The following NDE1 variants were observed in gnomAD, a reference collection of about 807,000 sequenced individuals.
NDE1 encodes the protein nudE neurodevelopment protein 1, also known as nuclear distribution protein nudE homolog 1.
Under a neutral mutation model 43.4 loss-of-function variants are expected in NDE1, and 28 were observed. That is an observed-to-expected ratio of 0.65 (90% CI 0.48 to 0.89). The LOEUF is 0.89. Ranked by LOEUF, NDE1 falls within the 40% of genes least tolerant of loss-of-function variation. The probability of loss-of-function intolerance (pLI) is 0.00; values close to 1 mark genes in which losing one functional copy is unlikely to be tolerated. For synonymous variants in NDE1, 184 were observed against 172.0 expected (o/e 1.07, Z -0.55); for missense variants, 441 against 434.1 (o/e 1.02, Z -0.14).
Position 15,725,408 on chromosome 16 carries a change from T to C in NDE1, c.*1157T>C, listed in dbSNP as rs900727168. On this transcript the variant is annotated 3_prime_UTR_variant, in exon 9 of 9. Transcript: ENST00000396354. ...TGGAGAAGGGAGACCAGGATGGTAC[T>C]TGAACGTCCCAGGGATGCTGTCCCA... The C allele has an allele frequency of 1.8e-5, 9 of 511,578 alleles. No individual in the cohort carries two copies. The highest frequency in any genetic ancestry group is 2.7e-5 in the Non-Finnish European group (8 of 294,416). The allele number at this position is 511,578 out of a possible 1,614,324, so 31.7% of individuals were successfully genotyped here.
intron 8 of NDE1, among the ~76,000 whole-genome samples, chr16:15,705,483 C>T (rs1245005520): frequency 2.0e-5 from 3 of 152,178 alleles, no homozygotes; most frequent in African/African-American, 7.2e-5. Context: ...CAGCCTTCAC[C>T]GTTCAGAAGA....
At chr16:15,717,883 G>C (rs2040249198) in intron 8 of NDE1, 1 of 275,012 alleles carries the variant, frequency 3.6e-6, no homozygotes, top group African/African-American at 2.2e-5. Context: ...GAGTCGCCTG[G>C]AGAATGATGC....
intron 3 of NDE1, among the ~76,000 whole-genome samples, chr16:15,673,279 G>A (rs1316877753): frequency 6.6e-6 from 1 of 151,900 alleles, no homozygotes; most frequent in Non-Finnish European, 1.5e-5. Flanking sequence ...GCACAATCTT[G>A]GCTCACTGCA....
At chr16:15,691,017 A>G in intron 5 of NDE1, 127 bp from the exon 6 acceptor site, 1 of 1,051,276 alleles carries the variant, frequency 9.5e-7, no homozygotes, top group Non-Finnish European at 1.5e-6. Context: ...CATGTTGGTC[A>G]GGCTGGTCTC....
rs147492797 is a variant in NDE1 at position 15,667,141 on chromosome 16, G to A, written c.84-145G>A. On this transcript the variant is annotated intron_variant, in intron 2 of 8. Transcript: ENST00000396354. Reference sequence around the variant, plus strand: ...CATGCCTGTAGTCCCAGCTACTCGGGAGACTGAGGCAGGAGAATCGCTTGA... The same window carrying A: ...CATGCCTGTAGTCCCAGCTACTCGGAAGACTGAGGCAGGAGAATCGCTTGA... 1,428 of 929,288 alleles carry A rather than the reference G, an allele frequency of 1.5e-3. 6 individuals carry two copies. The highest frequency in any genetic ancestry group is 0.015 in the African/African-American group (910 of 61,464). The allele number at this position is 929,288 out of a possible 1,614,324, so 57.6% of individuals were successfully genotyped here.
chr16:15,704,451 G>T (rs2039343238), intron 8 of NDE1, among the ~76,000 whole-genome samples: 1 of 152,208 alleles, frequency 6.6e-6, no homozygotes, highest in South Asian at 2.1e-4. Flanking sequence ...GGTCTGCTGT[G>T]GTCTTTGATT....
At chr16:15,662,961 G>C (rs1157309267) in intron 1 of NDE1, among the ~76,000 whole-genome samples, 1 of 152,174 alleles carries the variant, frequency 6.6e-6, no homozygotes, top group Non-Finnish European at 1.5e-5. Context: ...ATGGCCACCA[G>C]GACCAGCTTT....
intron 8 of NDE1, among the ~76,000 whole-genome samples, chr16:15,723,338 G>C (rs8047068): frequency 0.24 from 36,175 of 152,026 alleles, 4,920 homozygotes; most frequent in Admixed American, 0.34. Flanking sequence ...ATGATAGATA[G>C]AATTAGTCTT....
At chr16:15,654,566 A>C (rs1407170490) in intron 1 of NDE1, among the ~76,000 whole-genome samples, 4 of 136,424 alleles carry the variant, frequency 2.9e-5, no homozygotes, top group Non-Finnish European at 4.5e-5. Context: ...ACACCACTGC[A>C]CTCCAGCCTG....
rs140251634 is a variant in NDE1 at position 15,687,474 on chromosome 16, C to T, written c.486C>T (p.Leu162=). The stretch of plus-strand genomic sequence containing the variant: ...GTGAACTTGATGAAAAAGAGAATCT[C>T]CTGGAATCTGTTCAGAGACTGAAGG... The part of the protein sequence containing the change: ...LESELDEKEN[L]LESVQRLKDE... Residue 162 remains leucine (L), a synonymous_variant, in exon 5 of 9, where the codon CTC becomes CTT. Transcript: ENST00000396354. The T allele has an allele frequency of 2.8e-3, 4,456 of 1,614,182 alleles. 17 individuals carry two copies. Among genetic ancestry groups the T allele is most frequent in the Non-Finnish European group, 2.5e-3 (2,982 of 1,180,036 alleles).
intron 8 of NDE1, chr16:15,715,319 C>G: frequency 4.4e-6 from 7 of 1,592,076 alleles, no homozygotes; most frequent in Non-Finnish European, 5.2e-6. Flanking sequence ...GGGTGGCACC[C>G]CTTGTAGCTG....
At chr16:15,667,204 G>A in intron 2 of NDE1, 82 bp from the exon 3 acceptor site, 2 of 1,466,832 alleles carry the variant, frequency 1.4e-6, no homozygotes, top group South Asian at 2.3e-5. Context: ...CGAGATTGCA[G>A]CACTGCATTG....
chr16:15,649,179 G>T (rs1449507258), upstream of NDE1, among the ~76,000 whole-genome samples: 3 of 152,222 alleles, frequency 2.0e-5, no homozygotes, highest in African/African-American at 4.8e-5. Context: ...CTGGGAGACA[G>T]AGGGAGATTT....
intron 8 of NDE1, among the ~76,000 whole-genome samples, chr16:15,704,891 C>T (rs761984307): frequency 3.9e-5 from 6 of 152,202 alleles, no homozygotes; most frequent in Admixed American, 6.5e-5. Flanking sequence ...GTTGCCCAGG[C>T]TGGTCTGGAA....
intron 8 of NDE1, chr16:15,699,749 T>C: frequency 1.5e-6 from 2 of 1,351,408 alleles, no homozygotes; most frequent in Non-Finnish European, 2.0e-6. Flanking sequence ...CGCCTGGAAT[T>C]TGGGAAGCCG....
intron 8 of NDE1, among the ~76,000 whole-genome samples, chr16:15,705,532 T>G (rs948145331): frequency 6.6e-6 from 1 of 152,182 alleles, no homozygotes; most frequent in African/African-American, 2.4e-5. Flanking sequence ...CAAATAATTA[T>G]GTTGGGCTCT....
intron 8 of NDE1, chr16:15,720,274 C>T: frequency 1.2e-6 from 2 of 1,614,150 alleles, no homozygotes; most frequent in Non-Finnish European, 1.7e-6. Context: ...GGGCACGTTG[C>T]TTTCGCTCGT....
intron 3 of NDE1, chr16:15,672,900 C>A (rs1222632384): frequency 6.6e-6 from 1 of 152,258 alleles, no homozygotes; most frequent in Admixed American, 6.5e-5. Context: ...TCTCTGCTTA[C>A]AGCCAGGAAA....
rs71134451 is a variant in NDE1 at position 15,695,203 on chromosome 16, CTTTTTTTTTT to C, written c.795+962_795+971del. Among the ~76,000 whole-genome samples, 696 of 79,728 alleles carry C rather than the reference CTTTTTTTTTT, an allele frequency of 8.7e-3. 12 individuals carry two copies. The highest frequency in any genetic ancestry group is 0.052 in the South Asian group (107 of 2,076). The allele number at this position is 79,728 out of a possible 152,430, so 52.3% of individuals were successfully genotyped here. ...TCTCAGAAGAGAAAAAAACTGCCAC[CTTTTTTTTTT>C]TTTTTTTTTTTTTTGGTTTGTTTCT... On this transcript the variant is annotated intron_variant, in intron 7 of 8. Coordinates refer to ENST00000396354, the MANE Select transcript of NDE1 (RefSeq NM_017668.3).
Sources: allele counts gnomAD v4.1 joint callset (sites outside exome capture counted in the v4.1 genomes callset), GRCh38; gene constraint gnomAD v4.1.1; transcripts MANE v1.5; gene names NCBI Gene and HGNC (gene_info 2026-07-23, HGNC 2026-07-21).